METTL22: variants seen among roughly 807,000 people sequenced by gnomAD.
METTL22 encodes the protein methyltransferase-like protein 22.
METTL22 carries 51 observed loss-of-function variants against 48.4 expected under a neutral mutation model. That is an observed-to-expected ratio of 1.05 (90% CI 0.84 to 1.33). METTL22 has a LOEUF of 1.33. Among genes scored for constraint, METTL22 ranks in the 40% most tolerant of loss-of-function variants. The pLI is 0.00. For synonymous variants in METTL22, 255 were observed against 214.1 expected (o/e 1.19, Z -1.67); for missense variants, 678 against 526.9 (o/e 1.29, Z -2.81).
At chr16:8,650,917 T>A (rs9936517), downstream of METTL22, among the ~76,000 whole-genome samples, 150,382 of 152,280 alleles carry the variant, frequency 0.99, 74,288 homozygotes, top group Middle Eastern at 1. Flanking sequence ...CCAGCTACTC[T>A]GGAGGCTGAG....
intron 3 of METTL22, among the ~76,000 whole-genome samples, chr16:8,629,849 C>T (rs2056193906): frequency 6.6e-6 from 1 of 152,114 alleles, no homozygotes; most frequent in South Asian, 2.1e-4. Flanking sequence ...TGGTTAAGCA[C>T]CTATCGTGTT....
chr16:8,643,211 G>C lies in METTL22; in HGVS notation c.1010+646G>C, dbSNP rs144698398. On this transcript the variant is annotated intron_variant, in intron 9 of 10. Transcript: ENST00000381920. The stretch of plus-strand genomic sequence containing the variant: ...TCAGCATCTGGAAATTCACACTCAG[G>C]GTTGTGTACAAAGCTGTATGTACTT... 4.7e-3 allele frequency among the ~76,000 whole-genome samples: 717 copies of C among 152,266 alleles called. 4 individuals carry two copies. The highest frequency in any genetic ancestry group is 8.8e-3 in the Non-Finnish European group (596 of 68,016).
the METTL22 span, among the ~76,000 whole-genome samples, chr16:8,663,740 C>T: frequency 6.6e-6 from 1 of 152,232 alleles, no homozygotes; most frequent in Non-Finnish European, 1.5e-5. Context: ...AAAGCTTGCC[C>T]AAGGTCAGTC....
chr16:8,641,421 G>T, intron 7 of METTL22: 1 of 624,558 alleles, frequency 1.6e-6, no homozygotes, highest in South Asian at 1.5e-5. Context: ...GTTTCCCTGT[G>T]TGGTAGCATG....
chr16:8,659,572 TA>T, the METTL22 span, among the ~76,000 whole-genome samples: 3 of 152,172 alleles, frequency 2.0e-5, no homozygotes, highest in Middle Eastern at 3.4e-3. Flanking sequence ...CAACCTGCAA[TA>T]AACAAATAAA....
chr16:8,645,304 G>GC (rs1319535709), intron 10 of METTL22, among the ~76,000 whole-genome samples: 4 of 152,204 alleles, frequency 2.6e-5, no homozygotes, highest in Non-Finnish European at 5.9e-5. Context: ...AGGAGCTGCC[G>GC]CCCTTGCACT....
the METTL22 span, among the ~76,000 whole-genome samples, chr16:8,661,132 CAAG>C: frequency 1.1e-4 from 16 of 152,136 alleles, no homozygotes; most frequent in African/African-American, 3.9e-4. Context: ...ATTCTCACCA[CAAG>C]GTGGTGCCCC....
downstream of METTL22, among the ~76,000 whole-genome samples, chr16:8,654,210 G>T (rs959566476): frequency 6.6e-6 from 1 of 152,192 alleles, no homozygotes; most frequent in Non-Finnish European, 1.5e-5. Context: ...CTCTCCCAAG[G>T]TCACATAAGT....
intron 9 of METTL22, chr16:8,644,294 C>A: frequency 3.6e-6 from 1 of 274,508 alleles, no homozygotes; most frequent in Non-Finnish European, 6.9e-6. Flanking sequence ...TTGATCTTTC[C>A]AGCAGTGTCA....
intron 2 of METTL22, among the ~76,000 whole-genome samples, chr16:8,626,739 G>A (rs1036465248): frequency 9.5e-5 from 13 of 136,812 alleles, no homozygotes; most frequent in African/African-American, 3.6e-4. Flanking sequence ...ATGAACCACC[G>A]CATCCAACCC....
chr16:8,629,687 C>T (rs2056188630), intron 3 of METTL22, among the ~76,000 whole-genome samples: 1 of 151,976 alleles, frequency 6.6e-6, no homozygotes, highest in Admixed American at 6.5e-5. Flanking sequence ...GAGGTTTGGA[C>T]AGATACTCAG....
intron 8 of METTL22, 96 bp from the exon 9 acceptor site, chr16:8,642,367 G>C (rs574767418): frequency 2.9e-4 from 380 of 1,313,332 alleles, no homozygotes; most frequent in Admixed American, 2.0e-3. Flanking sequence ...CTGTTCCGTG[G>C]TGATAAGCAT....
the METTL22 span, among the ~76,000 whole-genome samples, chr16:8,657,309 A>G: frequency 9.2e-5 from 14 of 152,354 alleles, no homozygotes; most frequent in South Asian, 2.7e-3. Flanking sequence ...AACCAGGGAC[A>G]TGAAGGATAT....
chr16:8,645,548 G>A (rs952791796), intron 10 of METTL22, among the ~76,000 whole-genome samples: 21 of 152,280 alleles, frequency 1.4e-4, no homozygotes, highest in African/African-American at 4.3e-4. Flanking sequence ...GGCCATGGTC[G>A]GAGGGTTGCT....
downstream of METTL22, among the ~76,000 whole-genome samples, chr16:8,651,386 C>CAAAAAGAAAAAA (rs2056894456): frequency 2.0e-5 from 1 of 49,068 alleles, no homozygotes; most frequent in African/African-American, 8.2e-5. Flanking sequence ...GACTCTGTCT[C>CAAAAAGAAAAAA]AAAAAAAAAA....
At chr16:8,633,653 G>A (rs1178862299) in intron 3 of METTL22, among the ~76,000 whole-genome samples, 1 of 152,120 alleles carries the variant, frequency 6.6e-6, no homozygotes, top group Non-Finnish European at 1.5e-5. Flanking sequence ...TTGGAACCCC[G>A]CATCTGCCAC....
At chr16:8,630,684 A>G (rs1435501376) in intron 3 of METTL22, among the ~76,000 whole-genome samples, 2 of 152,182 alleles carry the variant, frequency 1.3e-5, no homozygotes, top group African/African-American at 4.8e-5. Context: ...GCTAAGAACA[A>G]AGTCCCTCGG....
intron 1 of METTL22, among the ~76,000 whole-genome samples, chr16:8,621,993 C>T (rs1038850712): frequency 3.3e-5 from 5 of 152,216 alleles, no homozygotes; most frequent in Non-Finnish European, 7.3e-5. Flanking sequence ...ACCTCTCCTT[C>T]GGTTCTAGAT....
chr16:8,647,695 A>G lies in METTL22; in HGVS notation c.*1552A>G, dbSNP rs2056829155. On this transcript the variant is annotated 3_prime_UTR_variant, in exon 11 of 11. Transcript: ENST00000381920. ...TTGGAAGAAGAAAGCCAAGTACTTT[A>G]GAGAAGAAAAACGGTCTCAGCTGAA... 6.6e-6 allele frequency: 1 copy of G among 152,292 alleles called. No individual in the cohort carries two copies. The highest frequency in any genetic ancestry group is 1.5e-5 in the Non-Finnish European group (1 of 68,078). The allele number at this position is 152,292 out of a possible 1,614,324, so 9.4% of individuals were successfully genotyped here.
Sources: gnomAD v4.1 joint callset for allele counts (sites outside exome capture counted in the v4.1 genomes callset) on GRCh38, gnomAD v4.1.1 for gene constraint, MANE v1.5 for transcripts, NCBI Gene and HGNC (gene_info 2026-07-23, HGNC 2026-07-21) for gene names.